Variants in STX19 observed in about 807,000 individuals in gnomAD.
STX19 encodes the protein syntaxin-19.
STX19 carries 26 observed loss-of-function variants against 24.3 expected under a neutral mutation model. That is an observed-to-expected ratio of 1.07 (90% confidence interval 0.78 to 1.48). STX19 has a LOEUF of 1.48. Among genes scored for constraint, STX19 ranks in the 40% most tolerant of loss-of-function variants. STX19 has a pLI of 0.00. For missense variants in STX19, 367 were observed against 331.9 expected, an observed-to-expected ratio of 1.11 and a Z score of -0.82; for synonymous variants, 116 against 106.9, an observed-to-expected ratio of 1.09 and a Z score of -0.52.
chr3:94,015,114 A>C lies in STX19; in HGVS notation c.156T>G (p.His52Gln), dbSNP rs1280248454. ...TACTTTCCTGTAGTTTTTGGATTTC[A>C]TGTAGGTGTCTCTCAGCTACAGGCT... is the stretch of plus-strand genomic sequence containing the variant. ...EREPVAERHL[H>Q]EIQKLQESIN... The change falls in exon 2 of 2, where the codon CAT becomes CAG. Residue 52 changes from histidine to glutamine, a missense_variant. Coordinates refer to ENST00000315099, the MANE Select transcript of STX19 (RefSeq NM_001001850.3). 3.7e-6 allele frequency: 6 copies of C among 1,613,814 alleles called. No homozygotes were observed. Among genetic ancestry groups the C allele is most frequent in the Non-Finnish European group, 5.1e-6 (6 of 1,179,914 alleles).
intron 1 of STX19, among the ~76,000 whole-genome samples, chr3:94,024,570 T>A (rs1240864067): frequency 6.6e-6 from 1 of 152,156 alleles, no homozygotes; most frequent in Non-Finnish European, 1.5e-5. Flanking sequence ...AAGATCTTTG[T>A]CCTTTTTTGG....
intron 1 of STX19, among the ~76,000 whole-genome samples, chr3:94,026,555 C>T (rs2076562541): frequency 6.6e-6 from 1 of 152,082 alleles, no homozygotes; most frequent in Admixed American, 6.6e-5. Context: ...GATCTTATAT[C>T]TTCATGAATT....
At chr3:94,018,290 T>TGATAGA (rs4025396) in intron 1 of STX19, among the ~76,000 whole-genome samples, 12,362 of 152,042 alleles carry the variant, frequency 0.081, 621 homozygotes, top group South Asian at 0.12. Flanking sequence ...GAGACTTTAA[T>TGATAGA]GATAGAGATG....
chr3:94,015,351 C>T (rs754555252), intron 1 of STX19, 69 bp from the exon 2 acceptor site: 63 of 1,224,620 alleles, frequency 5.1e-5, no homozygotes, highest in Non-Finnish European at 6.7e-5. Context: ...CAGTTGACTT[C>T]ACATAACTGT....
intron 1 of STX19, among the ~76,000 whole-genome samples, chr3:94,023,063 T>G (rs1218210129): frequency 6.6e-6 from 1 of 152,092 alleles, no homozygotes; most frequent in Non-Finnish European, 1.5e-5. Flanking sequence ...ATTCTCTATT[T>G]TTGATTTCCA....
chr3:94,020,924 A>C (rs905878118), intron 1 of STX19, among the ~76,000 whole-genome samples: 1 of 152,116 alleles, frequency 6.6e-6, no homozygotes, highest in Non-Finnish European at 1.5e-5. Context: ...AGGAGATTCC[A>C]TACGCCTCTT....
Position 94,014,461 on chromosome 3 carries a change from A to G in STX19, c.809T>C (p.Leu270Pro). ...YVNNTKEKFG[L>P]AVKYKKRNPC... is the part of the protein sequence containing the mutation. Reference sequence around the variant, plus strand: ...ATTTCTTTTTTTGTATTTTACAGCTAGTCCAAATTTCTCTTTAGTATTGTT... The same window carrying G: ...ATTTCTTTTTTTGTATTTTACAGCTGGTCCAAATTTCTCTTTAGTATTGTT... The change falls in exon 2 of 2, where the codon CTA becomes CCA. Residue 270 changes from leucine to proline, a missense_variant. Physicochemically the swap from Leu to Pro is moderately conservative, Grantham distance 98 (BLOSUM62 -3). Transcript: ENST00000315099. 1 of 1,603,910 alleles carries G rather than the reference A, an allele frequency of 6.2e-7. No individual in the cohort carries two copies. The highest frequency in any genetic ancestry group is 8.5e-7 in the Non-Finnish European group (1 of 1,177,376).
Position 94,014,760 on chromosome 3 carries a change from A to T in STX19, c.510T>A (p.Leu170=), listed in dbSNP as rs2076292760. The T allele has an allele frequency of 6.2e-7, 1 of 1,613,466 alleles. No homozygotes were observed. The highest frequency in any genetic ancestry group is 8.5e-7 in the Non-Finnish European group (1 of 1,179,854). Residue 170 remains leucine (L), a synonymous_variant, in exon 2 of 2, where the codon CTT becomes CTA. Coordinates refer to ENST00000315099, the MANE Select transcript of STX19 (RefSeq NM_001001850.3). ...CAGACATCTCTTTTCCAGCAACTTCAAGCTGACGTAAAATAAATGTCTTGC... is the reference window on the plus strand; with the variant it reads ...CAGACATCTCTTTTCCAGCAACTTCTAGCTGACGTAAAATAAATGTCTTGC... ...EKCKTFILRQ[L]EVAGKEMSEE...
chr3:94,027,694 A>G (rs1171461246), intron 1 of STX19, among the ~76,000 whole-genome samples: 2 of 152,066 alleles, frequency 1.3e-5, no homozygotes, highest in Non-Finnish European at 2.9e-5. Context: ...TAACCTATCT[A>G]CATATGTTGT....
At chr3:94,020,498 A>G (rs997440390) in intron 1 of STX19, among the ~76,000 whole-genome samples, 2 of 152,182 alleles carry the variant, frequency 1.3e-5, no homozygotes, top group Non-Finnish European at 2.9e-5. Flanking sequence ...TAGCTTTACT[A>G]TGCTATGAAG....
At chr3:94,022,270 C>T (rs527374328) in intron 1 of STX19, among the ~76,000 whole-genome samples, 11 of 151,956 alleles carry the variant, frequency 7.2e-5, no homozygotes, top group African/African-American at 1.7e-4. Context: ...GAATTACAGG[C>T]GCCTGCCACC....
chr3:94,014,508 C>G lies in STX19; in HGVS notation c.762G>C (p.Val254=), dbSNP rs745672677. ...TGTTAACATACTCTTTTGTACTATT[C>G]ACTGTCATTTCAATATTGTTGATGC... ...GESINNIEMT[V]NSTKEYVNNT... is the part of the protein sequence containing the mutation. The change falls in exon 2 of 2, where the codon GTG becomes GTC. Residue 254 remains valine (V), a synonymous_variant. Coordinates refer to ENST00000315099, the MANE Select transcript of STX19 (RefSeq NM_001001850.3). The G allele has an allele frequency of 6.2e-7, 1 of 1,612,016 alleles. No homozygotes were observed. Among genetic ancestry groups the G allele is most frequent in the Admixed American group, 1.7e-5 (1 of 59,672 alleles).
In STX19 at chr3:94,015,352, A is replaced by C. The variant is rs1021559615; in HGVS notation, c.-13-70T>G. The stretch of plus-strand genomic sequence containing the variant: ...TTTTTCCCCAGTAGCAGTTGACTTC[A>C]CATAACTGTCTATATCCCAGCAAAA... On this transcript the variant is annotated intron_variant, in intron 1 of 1. Coordinates refer to ENST00000315099, the MANE Select transcript of STX19 (RefSeq NM_001001850.3). 3.3e-6 allele frequency: 4 copies of C among 1,224,920 alleles called. No homozygotes were observed. The African/African-American group carries it at 4.5e-5, about 14-fold the overall frequency. The allele number at this position is 1,224,920 out of a possible 1,614,324, so 75.9% of individuals were successfully genotyped here. A position where few individuals can be genotyped will look rare whatever the true frequency, so the allele number is the denominator to read the frequency against.
At chr3:94,027,207 T>C (rs547874149) in intron 1 of STX19, among the ~76,000 whole-genome samples, 1 of 152,160 alleles carries the variant, frequency 6.6e-6, no homozygotes, top group East Asian at 1.9e-4. Flanking sequence ...TGCCACATTT[T>C]TCTAGTGCAA....
intron 1 of STX19, among the ~76,000 whole-genome samples, chr3:94,018,351 C>T (rs190905610): frequency 8.5e-4 from 130 of 152,256 alleles, no homozygotes; most frequent in South Asian, 7.5e-3. Context: ...AGCAATAGGA[C>T]TTGATGATTT....
chr3:94,015,834 G>A (rs557047148), intron 1 of STX19, among the ~76,000 whole-genome samples: 29 of 152,194 alleles, frequency 1.9e-4, no homozygotes, highest in Admixed American at 8.5e-4. Flanking sequence ...CTGAATTAAC[G>A]TATTACTTGG....
intron 1 of STX19, among the ~76,000 whole-genome samples, chr3:94,026,649 A>C (rs1331523326): frequency 1.3e-5 from 2 of 152,208 alleles, no homozygotes; most frequent in Non-Finnish European, 2.9e-5. Flanking sequence ...TAAAATATGA[A>C]GCTCATAGTT....
intron 1 of STX19, among the ~76,000 whole-genome samples, chr3:94,025,259 A>G (rs1381255289): frequency 6.6e-6 from 1 of 151,514 alleles, no homozygotes; most frequent in Non-Finnish European, 1.5e-5. Flanking sequence ...GCAAAAAACA[A>G]AATATCCTTT....
intron 1 of STX19, among the ~76,000 whole-genome samples, chr3:94,025,656 A>G (rs1487384145): frequency 1.3e-5 from 2 of 152,186 alleles, no homozygotes; most frequent in African/African-American, 2.4e-5. Context: ...TTATGGATAC[A>G]TTGAGGCTAT....
Sources: allele counts gnomAD v4.1 joint callset (sites outside exome capture counted in the v4.1 genomes callset), GRCh38; gene constraint gnomAD v4.1.1; transcripts MANE v1.5; gene names NCBI Gene and HGNC (gene_info 2026-07-23, HGNC 2026-07-21).